SSPN: variants seen among roughly 807,000 people sequenced by gnomAD.
The protein encoded by SSPN is sarcospan, also known as K-ras oncogene-associated protein.
A neutral mutation model predicts 19.1 loss-of-function variants in SSPN; 15 were observed. The ratio of observed to expected loss-of-function variants is 0.78; its 90% CI spans 0.52 to 1.21. The LOEUF (loss-of-function observed/expected upper bound fraction) is 1.21, where lower values mean the gene tolerates loss of function less well. Ranked by LOEUF, SSPN falls within the 50% of genes most tolerant of loss-of-function variation. The pLI, the probability that SSPN is intolerant of heterozygous loss-of-function variation, is 0.00. For missense variants in SSPN, 291 were observed against 314.0 expected (o/e 0.93, Z 0.55); for synonymous variants, 147 against 140.3 (o/e 1.05, Z -0.34).
intron 1 of SSPN, among the ~76,000 whole-genome samples, chr12:26,156,822 C>T (rs1944558547): frequency 6.6e-6 from 1 of 152,178 alleles, no homozygotes; most frequent in Non-Finnish European, 1.5e-5. Flanking sequence ...AAAAACAACC[C>T]TGTGAGGCTT....
At chr12:26,122,364 G>A (rs121912617) in intron 1 of SSPN, 5 of 1,180,500 alleles carry the variant, frequency 4.2e-6, no homozygotes, top group Non-Finnish European at 5.2e-6. Flanking sequence ...CAGCGGGAAC[G>A]GGGCGGCAGC....
At chr12:26,144,030 G>A (rs1391157044) in intron 1 of SSPN, among the ~76,000 whole-genome samples, 1 of 152,078 alleles carries the variant, frequency 6.6e-6, no homozygotes, top group Non-Finnish European at 1.5e-5. Flanking sequence ...TCTATATTAT[G>A]GTGAGTTGTA....
chr12:26,124,663 G>T (rs1591840045), intron 1 of SSPN: 2 of 1,612,994 alleles, frequency 1.2e-6, no homozygotes, highest in Non-Finnish European at 1.7e-6. Flanking sequence ...TTCTGGAGAA[G>T]AAAAAAATCA....
At chr12:26,221,694 T>C (rs916099690) in intron 1 of SSPN, among the ~76,000 whole-genome samples, 8 of 152,210 alleles carry the variant, frequency 5.3e-5, no homozygotes, top group African/African-American at 1.9e-4. Context: ...ATGTGTCTCT[T>C]ATGGAGACAA....
At chr12:26,122,819 G>A (rs544974279) in intron 1 of SSPN, 1 of 1,588,792 alleles carries the variant, frequency 6.3e-7, no homozygotes, top group Non-Finnish European at 8.5e-7. Context: ...TGTCGTTCTC[G>A]GCGGCGAGCT....
chr12:26,132,507 A>G (rs898528854), intron 1 of SSPN, among the ~76,000 whole-genome samples: 2 of 152,232 alleles, frequency 1.3e-5, no homozygotes, highest in Admixed American at 1.3e-4. Context: ...GTTAGAAATC[A>G]TTCCAGAAAA....
At chr12:26,157,668 G>A (rs1158948424) in intron 1 of SSPN, among the ~76,000 whole-genome samples, 1 of 152,192 alleles carries the variant, frequency 6.6e-6, no homozygotes, top group Non-Finnish European at 1.5e-5. Flanking sequence ...TGAAGTTCCT[G>A]TTAATTGTGT....
intron 1 of SSPN, among the ~76,000 whole-genome samples, chr12:26,175,242 C>T (rs1326895813): frequency 6.6e-6 from 1 of 152,192 alleles, no homozygotes; most frequent in African/African-American, 2.4e-5. Context: ...TAGCTATTCC[C>T]ATACCTATGA....
At chr12:26,186,255 C>T (rs1345529517) in intron 1 of SSPN, among the ~76,000 whole-genome samples, 1 of 152,002 alleles carries the variant, frequency 6.6e-6, no homozygotes, top group Admixed American at 6.5e-5. Context: ...TTGTGACCTG[C>T]ATCCCTGGCT....
Position 26,157,335 on chromosome 12 carries a change from A to G in SSPN, c.-31+35183A>G, listed in dbSNP as rs569246737. On this transcript the variant is annotated intron_variant, in intron 1 of 2. Transcript: ENST00000538142. The stretch of plus-strand genomic sequence containing the variant: ...AGGCAGTTCTTTGATGGCTAATTCT[A>G]TACCATTAATAAAGTAAACTGACTA... Among the ~76,000 whole-genome samples the G allele has an allele frequency of 9.2e-5, 14 of 152,354 alleles. No homozygotes were observed. The South Asian group carries it at 2.9e-3, about 32-fold the overall frequency.
chr12:26,199,335 A>G (rs1180604506), intron 1 of SSPN, among the ~76,000 whole-genome samples: 1 of 152,208 alleles, frequency 6.6e-6, no homozygotes, highest in Non-Finnish European at 1.5e-5. Flanking sequence ...CCCAATCAAA[A>G]GATGATTGAA....
Position 26,232,225 on chromosome 12 carries a change from T to G in SSPN, c.*1149T>G. ...ATAATCCTATTATTAATTCGTATGC[T>G]TAGTCAACCTAGGAAATCAAAATAA... On this transcript the variant is annotated 3_prime_UTR_variant, in exon 3 of 3. Transcript: ENST00000242729. The G allele has an allele frequency of 1.0e-6, 1 of 985,462 alleles. No individual in the cohort carries two copies. Among genetic ancestry groups the G allele is most frequent in the Non-Finnish European group, 1.2e-6 (1 of 829,924 alleles). 61.0% of individuals were successfully genotyped at this position (985,462 alleles called of 1,614,324 possible).
chr12:26,127,765 C>G (rs976083770), intron 1 of SSPN, among the ~76,000 whole-genome samples: 1 of 152,042 alleles, frequency 6.6e-6, no homozygotes, highest in African/African-American at 2.4e-5. Context: ...ATCTTTCACC[C>G]TGGTGACTCT....
At chr12:26,154,918 T>C (rs1439217337) in intron 1 of SSPN, among the ~76,000 whole-genome samples, 7 of 152,044 alleles carry the variant, frequency 4.6e-5, no homozygotes, top group Admixed American at 4.6e-4. Flanking sequence ...GTGATGGTAG[T>C]GTATGGTGAG....
chr12:26,172,200 G>T (rs1034000365), intron 1 of SSPN, among the ~76,000 whole-genome samples: 1 of 152,186 alleles, frequency 6.6e-6, no homozygotes, highest in Non-Finnish European at 1.5e-5. Context: ...ATGGGTAATA[G>T]ATTCTGCTTA....
chr12:26,156,951 T>C (rs1375122117), intron 1 of SSPN, among the ~76,000 whole-genome samples: 1 of 152,254 alleles, frequency 6.6e-6, no homozygotes, highest in Non-Finnish European at 1.5e-5. Flanking sequence ...ATCTAGTGTG[T>C]GGAACACTGT....
intron 1 of SSPN, among the ~76,000 whole-genome samples, chr12:26,172,354 G>A (rs1944658312): frequency 6.6e-6 from 1 of 152,116 alleles, no homozygotes; most frequent in East Asian, 1.9e-4. Context: ...CCGCTCCCTG[G>A]AGGTAAATAT....
rs568387037 is a variant in SSPN at position 26,201,258 on chromosome 12, G to C, written c.279+5307G>C. Among the ~76,000 whole-genome samples, 5 of 150,916 alleles carry C rather than the reference G, an allele frequency of 3.3e-5. No individual in the cohort carries two copies. In the East Asian group the frequency reaches 7.8e-4, roughly 24 times the overall value. Reference sequence around the variant, plus strand: ...CTGGGTGTGGTGGCACCCACCTGTAGTCCCAGCTACTCGGGAGGCTGAGGT... The same window carrying C: ...CTGGGTGTGGTGGCACCCACCTGTACTCCCAGCTACTCGGGAGGCTGAGGT... On this transcript the variant is annotated intron_variant, in intron 1 of 2. Transcript: ENST00000242729.
chr12:26,172,197 A>C (rs1944657332), intron 1 of SSPN, among the ~76,000 whole-genome samples: 1 of 152,178 alleles, frequency 6.6e-6, no homozygotes, highest in South Asian at 2.1e-4. Context: ...TTGATGGGTA[A>C]TAGATTCTGC....
Sources: gnomAD v4.1 joint callset for allele counts (sites outside exome capture counted in the v4.1 genomes callset) on GRCh38, gnomAD v4.1.1 for gene constraint, MANE v1.5 for transcripts, NCBI Gene and HGNC (gene_info 2026-07-23, HGNC 2026-07-21) for gene names.